NCAM1: variants seen among roughly 807,000 people sequenced by gnomAD.
The protein encoded by NCAM1 is antigen recognized by monoclonal antibody 5.1H11.
NCAM1 carries 14 observed loss-of-function variants against 109.8 expected under a neutral mutation model. That is an observed-to-expected ratio of 0.13 (90% CI 0.08 to 0.20). The LOEUF is 0.20. NCAM1 is among the 10% of genes least tolerant of loss of function. NCAM1 has a pLI of 1.00. For missense variants in NCAM1, 774 were observed against 1,109.9 expected (o/e 0.70, Z 4.30); for synonymous variants, 418 against 442.9 (o/e 0.94, Z 0.70).
intron 1 of NCAM1, among the ~76,000 whole-genome samples, chr11:112,987,265 A>G (rs186124782): frequency 3.3e-5 from 5 of 152,244 alleles, no homozygotes; most frequent in African/African-American, 4.8e-5. Flanking sequence ...GATACTTGAT[A>G]TGATTTCAGT....
chr11:113,248,228 CA>C (rs34946502), intron 15 of NCAM1, among the ~76,000 whole-genome samples: 200 of 130,036 alleles, frequency 1.5e-3, no homozygotes, highest in African/African-American at 2.5e-3. Flanking sequence ...TGGCCGGTAC[CA>C]AAAAAAAAAA....
chr11:113,271,348 C>T lies in NCAM1; in HGVS notation c.2340-412C>T, dbSNP rs11214562. ...TCACGCCACTGCACTCCAGCCTGGG[C>T]GACATAGAGAGACTCTGTCTCAAAA... On this transcript the variant is annotated intron_variant, in intron 18 of 19. Transcript: ENST00000316851. Among the ~76,000 whole-genome samples, 52 of 108,384 alleles carry T rather than the reference C, an allele frequency of 4.8e-4. No individual in the cohort carries two copies. In the East Asian group the frequency reaches 0.013, roughly 26 times the overall value. 71.1% of individuals were successfully genotyped at this position (108,384 alleles called of 152,430 possible).
intron 7 of NCAM1, among the ~76,000 whole-genome samples, chr11:113,209,621 A>G (rs1944332981): frequency 6.6e-6 from 1 of 152,224 alleles, no homozygotes; most frequent in Non-Finnish European, 1.5e-5. Flanking sequence ...AGGGAGATAA[A>G]TGGATAAACA....
intron 10 of NCAM1, among the ~76,000 whole-genome samples, 174 bp from the exon 11 acceptor site, chr11:113,231,996 C>T (rs1241266263): frequency 6.6e-6 from 1 of 152,142 alleles, no homozygotes; most frequent in Admixed American, 6.5e-5. Context: ...GCCTGCTGTG[C>T]CCTTGAGTCT....
intron 17 of NCAM1, among the ~76,000 whole-genome samples, chr11:113,268,301 A>G (rs1417062773): frequency 6.6e-6 from 1 of 152,252 alleles, no homozygotes; most frequent in Admixed American, 6.5e-5. Flanking sequence ...GGCTAAGGCC[A>G]GTGGCCAGCT....
intron 1 of NCAM1, among the ~76,000 whole-genome samples, chr11:113,193,530 G>A (rs1485329587): frequency 6.6e-6 from 1 of 152,136 alleles, no homozygotes; most frequent in Non-Finnish European, 1.5e-5. Flanking sequence ...ATGTGGGCCT[G>A]TAATCTCAGC....
chr11:112,992,520 G>A (rs1191838581), intron 1 of NCAM1, among the ~76,000 whole-genome samples: 2 of 50,548 alleles, frequency 4.0e-5, no homozygotes, highest in Admixed American at 2.4e-4. Context: ...TTTTTTTTTT[G>A]AGACGGAGTC....
At chr11:113,152,860 A>G (rs1460310767) in intron 1 of NCAM1, among the ~76,000 whole-genome samples, 14 of 152,082 alleles carry the variant, frequency 9.2e-5, no homozygotes, top group African/African-American at 3.4e-4. Flanking sequence ...CAGTTATCTC[A>G]TTGGCTGGGA....
chr11:113,195,910 GGT>G (rs58873545), intron 1 of NCAM1, among the ~76,000 whole-genome samples: 2,033 of 147,970 alleles, frequency 0.014, 43 homozygotes, highest in African/African-American at 0.039. Context: ...TTGTTTGCAG[GGT>G]GTGTGTGTGT....
At chr11:113,115,813 A>G (rs1295962394) in intron 1 of NCAM1, among the ~76,000 whole-genome samples, 8 of 152,232 alleles carry the variant, frequency 5.3e-5, no homozygotes, top group African/African-American at 1.9e-4. Flanking sequence ...AGACTCACAG[A>G]TTCTGCCCAG....
At position 113,207,893 on chromosome 11, in the gene NCAM1, T is replaced by C; in HGVS notation, c.807T>C (p.Ser269=). Residue 269 remains serine, a synonymous_variant, in exon 7 of 20, where the codon AGT becomes AGC. Coordinates refer to ENST00000316851, the MANE Select transcript of NCAM1 (RefSeq NM_181351.5). ...AGAAGTACATCTTCAGCGACGATAGTTCCCAGCTGACCATCAAAAAGGTGG... is the reference window on the plus strand; with the variant it reads ...AGAAGTACATCTTCAGCGACGATAGCTCCCAGCTGACCATCAAAAAGGTGG... The part of the protein sequence containing the change: ...DDEKYIFSDD[S]SQLTIKKVDK... 6.2e-7 allele frequency: 1 copy of C among 1,612,340 alleles called. No individual in the cohort carries two copies. Among genetic ancestry groups the C allele is most frequent in the Non-Finnish European group, 8.5e-7 (1 of 1,179,276 alleles).
chr11:113,043,879 C>G (rs111724828), intron 1 of NCAM1, among the ~76,000 whole-genome samples: 3 of 152,036 alleles, frequency 2.0e-5, no homozygotes, highest in Non-Finnish European at 4.4e-5. Context: ...GTGTCATGTG[C>G]TCTGCAGGTG....
At chr11:113,071,983 A>G (rs541514384) in intron 1 of NCAM1, among the ~76,000 whole-genome samples, 191 of 152,204 alleles carry the variant, frequency 1.3e-3, no homozygotes, top group Middle Eastern at 3.4e-3. Flanking sequence ...CGTCTCTACT[A>G]AAAATACAAA....
intron 1 of NCAM1, among the ~76,000 whole-genome samples, chr11:113,021,210 C>A (rs920640531): frequency 2.6e-5 from 4 of 152,200 alleles, no homozygotes; most frequent in African/African-American, 9.6e-5. Flanking sequence ...TTTGAGTGTA[C>A]AAATTGACTG....
chr11:113,077,137 C>A (rs1320836555), intron 1 of NCAM1, among the ~76,000 whole-genome samples: 3 of 152,104 alleles, frequency 2.0e-5, no homozygotes, highest in African/African-American at 7.2e-5. Flanking sequence ...TTTCTAGGAA[C>A]CTGTAATTAG....
At chr11:113,211,936 AG>A (rs1177423926) in intron 7 of NCAM1, among the ~76,000 whole-genome samples, 1 of 152,212 alleles carries the variant, frequency 6.6e-6, no homozygotes, top group Non-Finnish European at 1.5e-5. Context: ...CCATGGAGGC[AG>A]GTGGAGAATA....
Position 113,260,259 on chromosome 11 carries a change from G to A in NCAM1, c.2067G>A (p.Gln689=). ...EYEVYVVAEN[Q]QGKSKAAHFV... is the part of the protein sequence containing the mutation. ...AGGTCTACGTGGTGGCTGAGAACCA[G>A]CAAGGAAAATCCAAGGCGGCTCATT... is the stretch of plus-strand genomic sequence containing the variant. Residue 689 remains glutamine (Q), a synonymous_variant, in exon 17 of 20, where the codon CAG becomes CAA. Coordinates refer to ENST00000316851, the MANE Select transcript of NCAM1 (RefSeq NM_181351.5). The A allele has an allele frequency of 6.2e-7, 1 of 1,613,976 alleles. No homozygotes were observed. Among genetic ancestry groups the A allele is most frequent in the Non-Finnish European group, 8.5e-7 (1 of 1,179,896 alleles).
At chr11:113,026,591 C>T (rs184508227) in intron 1 of NCAM1, among the ~76,000 whole-genome samples, 53 of 152,102 alleles carry the variant, frequency 3.5e-4, no homozygotes, top group Admixed American at 3.1e-3. Context: ...TAAACAGTGG[C>T]GACAGAAGGT....
At chr11:113,265,628 C>T (rs1434531970) in intron 17 of NCAM1, among the ~76,000 whole-genome samples, 3 of 152,198 alleles carry the variant, frequency 2.0e-5, no homozygotes, top group Non-Finnish European at 4.4e-5. Flanking sequence ...TTCATAATCA[C>T]ACTTAACTCA....
Sources: allele counts gnomAD v4.1 joint callset (sites outside exome capture counted in the v4.1 genomes callset), GRCh38; gene constraint gnomAD v4.1.1; transcripts MANE v1.5; gene names NCBI Gene and HGNC (gene_info 2026-07-23, HGNC 2026-07-21).